Variants in PXDNL observed in about 807,000 individuals in gnomAD.
The protein encoded by PXDNL is probable oxidoreductase PXDNL.
In PXDNL, 145 loss-of-function variants were observed where a neutral mutation model predicts 150.8. That is an observed-to-expected ratio of 0.96 (90% confidence interval 0.84 to 1.10). PXDNL has a LOEUF of 1.10. Ranked by LOEUF, PXDNL falls within the 50% of genes least tolerant of loss-of-function variation. The pLI is 0.00. For synonymous variants in PXDNL, 757 were observed against 725.7 expected, an observed-to-expected ratio of 1.04 and a Z score of -0.69; for missense variants, 2,087 against 1,873.9, an observed-to-expected ratio of 1.11 and a Z score of -2.10.
At chr8:51,520,715 A>T (rs777177484) in intron 4 of PXDNL, among the ~76,000 whole-genome samples, 2 of 152,128 alleles carry the variant, frequency 1.3e-5, no homozygotes, top group Non-Finnish European at 2.9e-5. Flanking sequence ...CACATTGCCC[A>T]GCTCCTGCAG....
chr8:51,582,679 T>G (rs890455540), intron 3 of PXDNL, among the ~76,000 whole-genome samples: 3 of 152,172 alleles, frequency 2.0e-5, no homozygotes, highest in Non-Finnish European at 2.9e-5. Flanking sequence ...TAAAATGATG[T>G]TTTTTTAAAT....
chr8:51,516,497 G>C (rs1013875225), intron 4 of PXDNL, among the ~76,000 whole-genome samples: 2 of 152,192 alleles, frequency 1.3e-5, no homozygotes, highest in African/African-American at 4.8e-5. Context: ...TTGATAGTCA[G>C]AAAATCCACC....
At chr8:51,338,038 G>T (rs764387032) in intron 21 of PXDNL, among the ~76,000 whole-genome samples, 2 of 151,826 alleles carry the variant, frequency 1.3e-5, no homozygotes, top group Admixed American at 6.6e-5. Context: ...AATTACTCAG[G>T]TGCAGTGGTG....
In PXDNL at chr8:51,422,510, T is replaced by C. The variant is rs549452488; in HGVS notation, c.1795+1065A>G. ...TATGAGTTGATAAGCTAAATCTATT[T>C]TTAGTGAGGCCTGTGTTATGAAATA... On this transcript the variant is annotated intron_variant, in intron 14 of 22. Transcript: ENST00000356297. 1.7e-4 allele frequency among the ~76,000 whole-genome samples: 26 copies of C among 152,354 alleles called. No homozygotes were observed. The South Asian group carries it at 5.4e-3, about 32-fold the overall frequency.
chr8:51,585,315 A>G (rs887142380), intron 3 of PXDNL, among the ~76,000 whole-genome samples: 7 of 152,170 alleles, frequency 4.6e-5, no homozygotes, highest in African/African-American at 1.7e-4. Context: ...AGCCAGGAGC[A>G]TCTACATAAT....
chr8:51,424,781 C>T (rs1018580278), intron 13 of PXDNL, among the ~76,000 whole-genome samples: 3 of 152,228 alleles, frequency 2.0e-5, no homozygotes, highest in Non-Finnish European at 4.4e-5. Context: ...AGAACTCACA[C>T]TCCAGCTATG....
At chr8:51,322,058 A>G (rs1805336367) in intron 21 of PXDNL, among the ~76,000 whole-genome samples, 1 of 152,176 alleles carries the variant, frequency 6.6e-6, no homozygotes, top group Non-Finnish European at 1.5e-5. Context: ...TCACACAGCG[A>G]AGGCCATGTG....
chr8:51,754,694 A>G (rs965863660), intron 1 of PXDNL, among the ~76,000 whole-genome samples: 18 of 151,966 alleles, frequency 1.2e-4, no homozygotes, highest in Non-Finnish European at 2.4e-4. Flanking sequence ...TAGTAGAGAT[A>G]CGGTTTCACC....
intron 1 of PXDNL, among the ~76,000 whole-genome samples, chr8:51,798,716 CT>C (rs1269559155): frequency 6.6e-6 from 1 of 152,046 alleles, no homozygotes; most frequent in African/African-American, 2.4e-5. Context: ...AAACAGGAAC[CT>C]TTTTACACTG....
intron 21 of PXDNL, among the ~76,000 whole-genome samples, chr8:51,321,944 G>A (rs1805330157): frequency 7.6e-6 from 1 of 131,354 alleles, no homozygotes; most frequent in Non-Finnish European, 1.6e-5. Context: ...TTGGGCATAG[G>A]GCCTCGAAGG....
At chr8:51,335,059 C>T (rs1481646262) in intron 21 of PXDNL, among the ~76,000 whole-genome samples, 1 of 152,156 alleles carries the variant, frequency 6.6e-6, no homozygotes, top group Non-Finnish European at 1.5e-5. Context: ...CAACCATCTA[C>T]ATTTACTTGT....
Position 51,482,310 on chromosome 8 carries a change from G to A in PXDNL, c.524+1333C>T, listed in dbSNP as rs539856787. Among the ~76,000 whole-genome samples the A allele has an allele frequency of 8.5e-5, 13 of 152,266 alleles. 1 individual carries two copies. Among genetic ancestry groups the A allele is most frequent in the African/African-American group, 3.1e-4 (13 of 41,566 alleles). ...AGCCCCTTCATTCTGGCCAATTTCT[G>A]CCATTTGGAATGACTGTATTTACCC... On this transcript the variant is annotated intron_variant, in intron 6 of 22. Coordinates refer to ENST00000356297, the MANE Select transcript of PXDNL (RefSeq NM_144651.5).
At chr8:51,612,783 A>G (rs1814042841) in intron 2 of PXDNL, among the ~76,000 whole-genome samples, 1 of 152,266 alleles carries the variant, frequency 6.6e-6, no homozygotes, top group Non-Finnish European at 1.5e-5. Context: ...TGTGGCCTCC[A>G]GAATTGTGAG....
chr8:51,739,921 C>T (rs1375908832), intron 1 of PXDNL, among the ~76,000 whole-genome samples: 1 of 150,082 alleles, frequency 6.7e-6, no homozygotes, highest in Non-Finnish European at 1.5e-5. Flanking sequence ...TAACAATGAA[C>T]TTGTAGAATT....
intron 1 of PXDNL, among the ~76,000 whole-genome samples, chr8:51,672,163 A>G (rs2130830616): frequency 6.6e-6 from 1 of 152,092 alleles, no homozygotes; most frequent in African/African-American, 2.4e-5. Context: ...TGTATTTTTA[A>G]TACAGACAGG....
At chr8:51,531,086 T>C (rs531581485) in intron 4 of PXDNL, among the ~76,000 whole-genome samples, 1 of 152,356 alleles carries the variant, frequency 6.6e-6, no homozygotes, top group South Asian at 2.1e-4. Context: ...AAGCAGTCTG[T>C]GAGCCTCTCA....
At chr8:51,330,670 C>A (rs1270501770) in intron 21 of PXDNL, among the ~76,000 whole-genome samples, 1 of 152,126 alleles carries the variant, frequency 6.6e-6, no homozygotes, top group African/African-American at 2.4e-5. Flanking sequence ...GGGATTAGAA[C>A]TCAACATGAA....
In PXDNL at chr8:51,371,950, G is replaced by A. The variant is rs764830137; in HGVS notation, c.3824C>T (p.Ala1275Val). Residue 1275 changes from alanine (A) to valine (V), a missense_variant, in exon 19 of 23, where the codon GCA (alanine) becomes GTA (valine). Transcript: ENST00000356297. Reference protein sequence around the residue: ...QQVQADVFVKAEYPQDYLNCS... With the variant: ...QQVQADVFVKVEYPQDYLNCS... ...GTTCAGGTAATCCTGTGGGTATTCT[G>A]CCTTTACAAAGACATCAGCCTGCAC... The A allele has an allele frequency of 1.2e-6, 2 of 1,613,930 alleles. No individual in the cohort carries two copies. Among genetic ancestry groups the A allele is most frequent in the Non-Finnish European group, 1.7e-6 (2 of 1,179,864 alleles).
chr8:51,603,885 G>C (rs1447534268), intron 2 of PXDNL, among the ~76,000 whole-genome samples: 1 of 152,128 alleles, frequency 6.6e-6, no homozygotes, highest in Non-Finnish European at 1.5e-5. Flanking sequence ...AAACAGGGCA[G>C]TGACAAAGTA....
Sources: gnomAD v4.1 joint callset for allele counts (sites outside exome capture counted in the v4.1 genomes callset) on GRCh38, gnomAD v4.1.1 for gene constraint, MANE v1.5 for transcripts, NCBI Gene and HGNC (gene_info 2026-07-23, HGNC 2026-07-21) for gene names.